The following HDAC9 variants were observed in gnomAD, a reference collection of about 807,000 sequenced individuals.
The protein encoded by HDAC9 is histone deacetylase 9.
A neutral mutation model predicts 139.4 loss-of-function variants in HDAC9; 41 were observed. The ratio of observed to expected loss-of-function variants is 0.29; its 90% CI spans 0.23 to 0.38. HDAC9 has a LOEUF of 0.38. Among genes scored for constraint, HDAC9 ranks in the 10% least tolerant of loss-of-function variants. HDAC9 has a pLI of 1.00. For missense variants in HDAC9, 1,147 were observed against 1,297.0 expected (o/e 0.88, Z 1.78); for synonymous variants, 517 against 476.2 (o/e 1.09, Z -1.12).
chr7:18,219,968 A>G (rs868034186), intron 2 of HDAC9, among the ~76,000 whole-genome samples: 21 of 152,132 alleles, frequency 1.4e-4, no homozygotes, highest in Admixed American at 3.9e-4. Flanking sequence ...TTTCTCACCT[A>G]TACAAAAGGA....
chr7:18,207,242 A>T (rs183765820), intron 2 of HDAC9, among the ~76,000 whole-genome samples: 2 of 152,108 alleles, frequency 1.3e-5, no homozygotes, highest in African/African-American at 4.8e-5. Flanking sequence ...ACTGGCCCTG[A>T]TTTGAAATAT....
At chr7:18,984,628 T>C (rs1489009326) in intron 25 of HDAC9, among the ~76,000 whole-genome samples, 2 of 151,398 alleles carry the variant, frequency 1.3e-5, no homozygotes, top group African/African-American at 2.4e-5. Context: ...AGATAAATTG[T>C]TGAGAAATAG....
intron 2 of HDAC9, among the ~76,000 whole-genome samples, chr7:18,164,683 T>C (rs1020467048): frequency 6.6e-6 from 1 of 152,212 alleles, no homozygotes; most frequent in Non-Finnish European, 1.5e-5. Flanking sequence ...TCAAATATGG[T>C]TGATATGAAA....
chr7:18,880,418 C>A (rs1585211413), intron 22 of HDAC9, among the ~76,000 whole-genome samples: 1 of 152,162 alleles, frequency 6.6e-6, no homozygotes, highest in African/African-American at 2.4e-5. Context: ...AAGTGCCCAT[C>A]AATGATTGAC....
chr7:18,949,117 T>C, intron 23 of HDAC9: 1 of 307,758 alleles, frequency 3.2e-6, no homozygotes, highest in Non-Finnish European at 6.2e-6. Flanking sequence ...ATTCTTGACC[T>C]TTTGGGTCTT....
At chr7:18,498,314 T>C (rs1797473341) in intron 2 of HDAC9, among the ~76,000 whole-genome samples, 1 of 152,086 alleles carries the variant, frequency 6.6e-6, no homozygotes, top group Non-Finnish European at 1.5e-5. Flanking sequence ...AGAAGCACTT[T>C]ACAAAATATG....
chr7:18,341,068 T>C (rs1159690186), intron 1 of HDAC9, among the ~76,000 whole-genome samples: 1 of 151,602 alleles, frequency 6.6e-6, no homozygotes, highest in African/African-American at 2.4e-5. Context: ...GTTTCTGACA[T>C]AAAATATCTG....
chr7:18,907,751 C>T (rs528080106), intron 22 of HDAC9, among the ~76,000 whole-genome samples: 1 of 150,372 alleles, frequency 6.7e-6, no homozygotes, highest in South Asian at 2.3e-4. Context: ...ATGAGCCATT[C>T]TTACAGTTTA....
intron 2 of HDAC9, among the ~76,000 whole-genome samples, chr7:18,177,445 T>C (rs1789010648): frequency 6.6e-6 from 1 of 152,162 alleles, no homozygotes; most frequent in East Asian, 1.9e-4. Flanking sequence ...CTTTTCAGGC[T>C]TATCTTATTT....
At chr7:18,946,406 C>T (rs1055122489) in intron 23 of HDAC9, among the ~76,000 whole-genome samples, 18 of 151,782 alleles carry the variant, frequency 1.2e-4, no homozygotes, top group African/African-American at 4.1e-4. Context: ...AACAGATGCT[C>T]TTTGAAGGGA....
intron 17 of HDAC9, among the ~76,000 whole-genome samples, chr7:18,804,384 C>T (rs1163077336): frequency 1.3e-5 from 2 of 152,146 alleles, no homozygotes; most frequent in African/African-American, 4.8e-5. Flanking sequence ...CTCACACATA[C>T]ACACAAACAC....
At chr7:18,098,773 G>C (rs561536187) in intron 1 of HDAC9, among the ~76,000 whole-genome samples, 1 of 152,230 alleles carries the variant, frequency 6.6e-6, no homozygotes, top group South Asian at 2.1e-4. Context: ...GAGTGGACTT[G>C]TAGATGTGCT....
intron 23 of HDAC9, among the ~76,000 whole-genome samples, chr7:18,946,777 G>A (rs1190468579): frequency 6.6e-6 from 1 of 152,152 alleles, no homozygotes; most frequent in Non-Finnish European, 1.5e-5. Context: ...AGTGAAGGGT[G>A]ATGTGGAAGA....
At chr7:18,543,018 A>G (rs990275902) in intron 2 of HDAC9, among the ~76,000 whole-genome samples, 16 of 152,344 alleles carry the variant, frequency 1.1e-4, no homozygotes, top group Middle Eastern at 3.4e-3. Context: ...TGCTCCGACT[A>G]TGGTAATTCT....
intron 16 of HDAC9, among the ~76,000 whole-genome samples, chr7:18,791,448 G>A (rs978529195): frequency 1.3e-5 from 2 of 152,068 alleles, no homozygotes; most frequent in African/African-American, 2.4e-5. Flanking sequence ...AACTTGTGCA[G>A]TCATCTTCCT....
intron 22 of HDAC9, among the ~76,000 whole-genome samples, chr7:18,876,564 A>G (rs1464269156): frequency 1.3e-5 from 2 of 152,212 alleles, no homozygotes; most frequent in African/African-American, 4.8e-5. Flanking sequence ...TGAGGAAACT[A>G]ATTTATTTTA....
chr7:18,770,050 C>G lies in HDAC9; in HGVS notation c.2214+2895C>G, dbSNP rs562713446. On this transcript the variant is annotated intron_variant, in intron 16 of 25. Transcript: ENST00000686413. ...GATGGGTTAATTGGCTTTTGAGGAC[C>G]CTACCTGGGACATTATGAAATCAGA... 7.0e-4 allele frequency among the ~76,000 whole-genome samples: 107 copies of G among 152,088 alleles called. 1 individual carries two copies. Among genetic ancestry groups the G allele is most frequent in the Non-Finnish European group, 1.4e-3 (96 of 68,010 alleles).
At chr7:18,495,589 T>G (rs1171089209), upstream of HDAC9, 2 of 204,060 alleles carry the variant, frequency 9.8e-6, no homozygotes, top group Admixed American at 6.5e-5. Flanking sequence ...TTAAATGCAT[T>G]AATGCAGGCT....
chr7:18,335,929 A>G (rs2128654237), intron 1 of HDAC9, among the ~76,000 whole-genome samples: 1 of 151,802 alleles, frequency 6.6e-6, no homozygotes, highest in East Asian at 1.9e-4. Context: ...CTTCAGTCAC[A>G]CAGACATTTT....
Sources: gnomAD v4.1 joint callset for allele counts (sites outside exome capture counted in the v4.1 genomes callset) on GRCh38, gnomAD v4.1.1 for gene constraint, MANE v1.5 for transcripts, NCBI Gene and HGNC (gene_info 2026-07-23, HGNC 2026-07-21) for gene names.